The following KCNIP4 variants were observed in gnomAD, a reference collection of about 807,000 sequenced individuals.
KCNIP4 encodes the protein potassium voltage-gated channel interacting protein 4.
Under a neutral mutation model 34.0 loss-of-function variants are expected in KCNIP4, and 12 were observed. The observed-to-expected ratio is 0.35, with a 90% CI of 0.23 to 0.57. The LOEUF (loss-of-function observed/expected upper bound fraction) is 0.57, where lower values mean the gene tolerates loss of function less well. Among genes scored for constraint, KCNIP4 ranks in the 20% least tolerant of loss-of-function variants. KCNIP4 has a pLI of 0.83. For missense variants in KCNIP4, 238 were observed against 311.7 expected (o/e 0.76, Z 1.78); for synonymous variants, 124 against 102.2 (o/e 1.21, Z -1.29).
chr4:21,678,583 G>A (rs1750100326), intron 1 of KCNIP4, among the ~76,000 whole-genome samples: 3 of 151,970 alleles, frequency 2.0e-5, no homozygotes, highest in Admixed American at 2.0e-4. Context: ...TTACTCCCTG[G>A]TTTTCCTCTG....
At chr4:21,402,624 T>C (rs1723640899) in intron 1 of KCNIP4, among the ~76,000 whole-genome samples, 1 of 152,200 alleles carries the variant, frequency 6.6e-6, no homozygotes, top group Non-Finnish European at 1.5e-5. Context: ...TTTTCAGCTC[T>C]GCAATGAAAC....
chr4:20,787,566 T>G (rs1407072973), intron 3 of KCNIP4, among the ~76,000 whole-genome samples: 1 of 152,144 alleles, frequency 6.6e-6, no homozygotes, highest in Non-Finnish European at 1.5e-5. Context: ...TGTATCTCTA[T>G]GTATATGAAT....
intron 1 of KCNIP4, among the ~76,000 whole-genome samples, chr4:21,742,247 G>A (rs1716462332): frequency 6.6e-6 from 1 of 151,910 alleles, no homozygotes; most frequent in African/African-American, 2.4e-5. Flanking sequence ...ATAGAGAGAG[G>A]GTCCCCAAAA....
chr4:21,402,262 C>A (rs536984468), intron 1 of KCNIP4, among the ~76,000 whole-genome samples: 68 of 152,248 alleles, frequency 4.5e-4, no homozygotes, highest in Non-Finnish European at 9.3e-4. Context: ...TGGAGTTATT[C>A]AAAAATGATA....
intron 1 of KCNIP4, among the ~76,000 whole-genome samples, chr4:21,534,717 T>G (rs1269446513): frequency 1.3e-5 from 2 of 152,082 alleles, no homozygotes; most frequent in Non-Finnish European, 2.9e-5. Flanking sequence ...GTAGGACACA[T>G]CTTCCCAGAG....
chr4:21,207,014 T>C (rs1346806899), intron 1 of KCNIP4, among the ~76,000 whole-genome samples: 1 of 152,224 alleles, frequency 6.6e-6, no homozygotes, highest in Non-Finnish European at 1.5e-5. Flanking sequence ...CTGTCTTTGA[T>C]AGCCCATTGC....
intron 3 of KCNIP4, among the ~76,000 whole-genome samples, chr4:20,768,191 A>C (rs566494750): frequency 1.3e-4 from 20 of 152,310 alleles, no homozygotes; most frequent in African/African-American, 4.6e-4. Context: ...GAATACTAAA[A>C]ATATTTATGC....
rs138269092 is a variant in KCNIP4, at chr4:21,752,158, G to A, written c.61+196413C>T. 9.2e-5 allele frequency among the ~76,000 whole-genome samples: 14 copies of A among 152,176 alleles called. No homozygotes were observed. In the East Asian group the frequency reaches 1.4e-3, roughly 15 times the overall value. On this transcript the variant is annotated intron_variant, in intron 1 of 8. Coordinates refer to ENST00000382152, the MANE Select transcript of KCNIP4 (RefSeq NM_025221.6). ...GCCTTGGAAGGTGATATATGTATAC[G>A]CTTAAGAAATAGTGGAAGGAATGGA...
intron 1 of KCNIP4, among the ~76,000 whole-genome samples, chr4:21,387,340 G>T (rs561435864): frequency 6.6e-6 from 1 of 152,206 alleles, no homozygotes; most frequent in Admixed American, 6.6e-5. Flanking sequence ...GGTTCAATAA[G>T]AAAAGTTTCT....
intron 1 of KCNIP4, among the ~76,000 whole-genome samples, chr4:21,767,615 T>C (rs766979768): frequency 6.6e-6 from 1 of 152,120 alleles, no homozygotes; most frequent in Non-Finnish European, 1.5e-5. Context: ...AATACAGTTA[T>C]TAAAATCCTT....
intron 1 of KCNIP4, among the ~76,000 whole-genome samples, chr4:21,628,714 GA>G (rs1053116308): frequency 2.0e-5 from 3 of 151,432 alleles, no homozygotes; most frequent in East Asian, 3.9e-4. Context: ...AACGGCACTA[GA>G]AAAAAAACAA....
chr4:20,773,198 A>G (rs1756067252), intron 3 of KCNIP4, among the ~76,000 whole-genome samples: 1 of 152,220 alleles, frequency 6.6e-6, no homozygotes, highest in African/African-American at 2.4e-5. Flanking sequence ...ATAAGTTACT[A>G]AACTTCTTCA....
At chr4:21,409,886 C>T (rs947707966) in intron 1 of KCNIP4, among the ~76,000 whole-genome samples, 2 of 152,052 alleles carry the variant, frequency 1.3e-5, no homozygotes, top group Admixed American at 1.3e-4. Context: ...GAATGCCAGA[C>T]CAAAGCGAAG....
intron 1 of KCNIP4, among the ~76,000 whole-genome samples, chr4:21,009,031 C>T (rs1738829670): frequency 6.6e-6 from 1 of 152,058 alleles, no homozygotes; most frequent in Non-Finnish European, 1.5e-5. Flanking sequence ...ATATCTTTCA[C>T]AAATAATACA....
chr4:21,725,926 C>A (rs75761964), intron 1 of KCNIP4, among the ~76,000 whole-genome samples: 5,704 of 152,188 alleles, frequency 0.037, 131 homozygotes, highest in Middle Eastern at 0.088. Flanking sequence ...AAAATAAATT[C>A]TGTTTCTGGA....
intron 1 of KCNIP4, among the ~76,000 whole-genome samples, chr4:21,801,185 G>C (rs1283761431): frequency 6.6e-6 from 1 of 152,072 alleles, no homozygotes; most frequent in Non-Finnish European, 1.5e-5. Context: ...CATGTCCAAA[G>C]CACTTTTATC....
At chr4:21,066,188 C>T (rs547337448) in intron 1 of KCNIP4, among the ~76,000 whole-genome samples, 3 of 152,124 alleles carry the variant, frequency 2.0e-5, no homozygotes, top group Non-Finnish European at 4.4e-5. Flanking sequence ...GTGGGCAGCT[C>T]TGATGGCTCC....
intron 1 of KCNIP4, among the ~76,000 whole-genome samples, chr4:21,566,424 G>A (rs187523583): frequency 1.3e-5 from 2 of 152,206 alleles, no homozygotes; most frequent in Non-Finnish European, 1.5e-5. Context: ...TGTGCGGTGA[G>A]TGAGTTCTCA....
intron 1 of KCNIP4, among the ~76,000 whole-genome samples, chr4:20,894,713 G>A (rs1021911219): frequency 6.6e-6 from 1 of 152,064 alleles, no homozygotes; most frequent in African/African-American, 2.4e-5. Flanking sequence ...ATTTGGCACT[G>A]GCAAAAACAT....
Sources: allele counts gnomAD v4.1 joint callset (sites outside exome capture counted in the v4.1 genomes callset), GRCh38; gene constraint gnomAD v4.1.1; transcripts MANE v1.5; gene names NCBI Gene and HGNC (gene_info 2026-07-23, HGNC 2026-07-21).